The following ADGRG6 variants were observed in gnomAD, a reference collection of about 807,000 sequenced individuals.
The protein encoded by ADGRG6 is G-protein coupled receptor 126.
ADGRG6 carries 84 observed loss-of-function variants against 142.4 expected under a neutral mutation model. That is an observed-to-expected ratio of 0.59 (90% CI 0.49 to 0.71). The LOEUF is 0.71. Among genes scored for constraint, ADGRG6 ranks in the 30% least tolerant of loss-of-function variants. The probability of loss-of-function intolerance (pLI) is 0.00; values close to 1 mark genes in which losing one functional copy is unlikely to be tolerated. For synonymous variants in ADGRG6, 521 were observed against 520.5 expected (o/e 1.00, Z -0.01); for missense variants, 1,367 against 1,466.6 (o/e 0.93, Z 1.11).
At chr6:142,332,113 C>T (rs538359117) in intron 2 of ADGRG6, among the ~76,000 whole-genome samples, 8 of 152,212 alleles carry the variant, frequency 5.3e-5, no homozygotes, top group African/African-American at 1.9e-4. Context: ...CACAATTCTT[C>T]TTAAAGTAGA....
chr6:142,443,325 C>T lies in ADGRG6; in HGVS notation c.3575-12C>T. The stretch of plus-strand genomic sequence containing the variant: ...TCATCTTGAACCTAATTTCTTGTAT[C>T]ATTTCTTGCAGACAGTGCTTCCATG... On this transcript the variant is annotated splice_polypyrimidine_tract_variant and intron_variant, in intron 24 of 24. Transcript: ENST00000367609. 1 of 1,599,106 alleles carries T rather than the reference C, an allele frequency of 6.3e-7. No individual in the cohort carries two copies. Among genetic ancestry groups the T allele is most frequent in the Non-Finnish European group, 8.5e-7 (1 of 1,170,870 alleles).
intron 10 of ADGRG6, among the ~76,000 whole-genome samples, chr6:142,399,805 T>C (rs527491521): frequency 2.6e-5 from 4 of 152,308 alleles, no homozygotes; most frequent in African/African-American, 9.6e-5. Flanking sequence ...TGCTCAGTAC[T>C]GAAATACAAG....
intron 5 of ADGRG6, among the ~76,000 whole-genome samples, 176 bp downstream of exon 5, chr6:142,382,195 T>C (rs556735207): frequency 6.6e-6 from 1 of 152,292 alleles, no homozygotes; most frequent in African/African-American, 2.4e-5. Flanking sequence ...ACGTACGGCA[T>C]GGAGAAAGAA....
intron 2 of ADGRG6, among the ~76,000 whole-genome samples, chr6:142,346,793 C>T (rs534375577): frequency 9.3e-4 from 139 of 148,764 alleles, no homozygotes; most frequent in Non-Finnish European, 1.7e-3. Flanking sequence ...CCAAACACCA[C>T]ATGCTCTCAC....
chr6:142,397,677 A>C lies in ADGRG6; in HGVS notation c.1489A>C (p.Ile497Leu), dbSNP rs1230883078. The change falls in exon 10 of 25, where the codon ATT becomes CTT. Residue 497 changes from isoleucine to leucine, a missense_variant. Ile to Leu is a conservative substitution (Grantham distance 5). This residue lies in a region of ADGRG6 where 737 missense variants were observed against 746.5 expected (regional missense o/e 0.99). Coordinates refer to ENST00000367609, the MANE Select transcript of ADGRG6 (RefSeq NM_198569.3). ...CAATACTAATTTGGAAGGAAAAATC[A>C]TTCAGCAGAAGCTCCTAAAAAATAA... ...TNNTNLEGKI[I>L]QQKLLKNNES... The C allele has an allele frequency of 2.5e-6, 4 of 1,607,884 alleles. No homozygotes were observed. Among genetic ancestry groups the C allele is most frequent in the Admixed American group, 3.4e-5 (2 of 59,334 alleles).
intron 2 of ADGRG6, among the ~76,000 whole-genome samples, chr6:142,357,859 G>A (rs1780529010): frequency 6.6e-6 from 1 of 152,138 alleles, no homozygotes; most frequent in South Asian, 2.1e-4. Context: ...AGGAAGTAGG[G>A]GCTCAGTAAG....
intron 22 of ADGRG6, among the ~76,000 whole-genome samples, chr6:142,435,694 G>A (rs1777452593): frequency 2.0e-5 from 3 of 151,958 alleles, no homozygotes; most frequent in Admixed American, 2.0e-4. Flanking sequence ...TGTTCTCTTG[G>A]AGCTTATTAT....
intron 2 of ADGRG6, among the ~76,000 whole-genome samples, chr6:142,310,681 A>G (rs961376463): frequency 5.9e-5 from 9 of 151,870 alleles, no homozygotes; most frequent in African/African-American, 1.9e-4. Context: ...TCAGTTATTT[A>G]CTTGCAAAAT....
At chr6:142,427,237 A>G (rs1196292009) in intron 22 of ADGRG6, among the ~76,000 whole-genome samples, 2 of 152,178 alleles carry the variant, frequency 1.3e-5, no homozygotes, top group African/African-American at 4.8e-5. Context: ...AACAGCACTC[A>G]GGTCATCTGT....
In ADGRG6 at chr6:142,371,025, G is replaced by A; in HGVS notation, c.1069+232G>A. On this transcript the variant is annotated intron_variant, in intron 4 of 24. Transcript: ENST00000367609. Reference sequence around the variant, plus strand: ...CCATGCATGCTCCATCAAGACATTTGGTTTTACCATTCTTAAGTTTTCCCT... The same window carrying A: ...CCATGCATGCTCCATCAAGACATTTAGTTTTACCATTCTTAAGTTTTCCCT... 4 of 457,182 alleles carry A rather than the reference G, an allele frequency of 8.7e-6. No individual in the cohort carries two copies. The South Asian group carries it at 1.0e-4, about 11-fold the overall frequency. 28.3% of individuals were successfully genotyped at this position (457,182 alleles called of 1,614,324 possible). A position where few individuals can be genotyped will look rare whatever the true frequency, so the allele number is the denominator to read the frequency against.
At chr6:142,416,134 ATCTTATTT>A in intron 20 of ADGRG6, 70 bp downstream of exon 20, 3 of 1,168,588 alleles carry the variant, frequency 2.6e-6, no homozygotes, top group Admixed American at 2.4e-5. Flanking sequence ...ATAGGAAAAA[ATCTTATTT>A]AAAAAAAAAT....
chr6:142,412,155 A>G (rs1008311528), intron 18 of ADGRG6, among the ~76,000 whole-genome samples: 1 of 151,920 alleles, frequency 6.6e-6, no homozygotes, highest in Non-Finnish European at 1.5e-5. Flanking sequence ...ACTTCTTTGA[A>G]CTCATCCATA....
At chr6:142,443,201 AC>A in intron 24 of ADGRG6, 135 bp from the exon 25 acceptor site, 1 of 578,694 alleles carries the variant, frequency 1.7e-6, no homozygotes, top group East Asian at 2.8e-5. Context: ...GTTGCCTATT[AC>A]CTAATATAAG....
At chr6:142,387,603 T>C (rs1470129591) in intron 6 of ADGRG6, among the ~76,000 whole-genome samples, 2 of 152,214 alleles carry the variant, frequency 1.3e-5, no homozygotes, top group Non-Finnish European at 2.9e-5. Context: ...TTGGTTTATA[T>C]TTTAACGTCT....
At chr6:142,343,608 T>C (rs1181756347) in intron 2 of ADGRG6, among the ~76,000 whole-genome samples, 1 of 151,938 alleles carries the variant, frequency 6.6e-6, no homozygotes, top group Non-Finnish European at 1.5e-5. Context: ...CATTTTAAAT[T>C]ACATATTTTA....
intron 22 of ADGRG6, 37 bp downstream of exon 22, chr6:142,420,141 A>G: frequency 1.3e-6 from 2 of 1,535,206 alleles, no homozygotes; most frequent in East Asian, 2.3e-5. Flanking sequence ...TCTGCTTTCT[A>G]ATTTTGTCAT....
intron 1 of ADGRG6, among the ~76,000 whole-genome samples, chr6:142,304,344 G>A (rs1777379216): frequency 6.6e-6 from 1 of 152,124 alleles, no homozygotes; most frequent in African/African-American, 2.4e-5. Flanking sequence ...GGGAGTTGTA[G>A]TGACTGCATA....
At chr6:142,367,368 G>A (rs994072435) in intron 2 of ADGRG6, among the ~76,000 whole-genome samples, 5 of 152,002 alleles carry the variant, frequency 3.3e-5, no homozygotes, top group African/African-American at 1.2e-4. Flanking sequence ...AAAATTTTTT[G>A]TTTCTCTTTT....
intron 24 of ADGRG6, among the ~76,000 whole-genome samples, chr6:142,441,907 C>T (rs1002150491): frequency 4.6e-5 from 7 of 152,300 alleles, no homozygotes; most frequent in Non-Finnish European, 1.0e-4. Flanking sequence ...CACCATGCTT[C>T]AGTTTGCTCG....
Sources: allele counts gnomAD v4.1 joint callset (sites outside exome capture counted in the v4.1 genomes callset), GRCh38; gene constraint gnomAD v4.1.1; regional missense constraint gnomAD v4.1.1; transcripts MANE v1.5; gene names NCBI Gene and HGNC (gene_info 2026-07-23, HGNC 2026-07-21).